INPP4B: variants seen among roughly 807,000 people sequenced by gnomAD.
The protein encoded by INPP4B is inositol polyphosphate 4-phosphatase type II.
A neutral mutation model predicts 122.5 loss-of-function variants in INPP4B; 55 were observed. The observed-to-expected ratio is 0.45, with a 90% confidence interval of 0.36 to 0.56. INPP4B has a LOEUF of 0.56. Among genes scored for constraint, INPP4B ranks in the 20% least tolerant of loss-of-function variants. The pLI is 0.00. For missense variants in INPP4B, 1,000 were observed against 1,097.7 expected (o/e 0.91, Z 1.26); for synonymous variants, 403 against 388.7 (o/e 1.04, Z -0.43).
intron 2 of INPP4B, among the ~76,000 whole-genome samples, chr4:142,488,996 G>C (rs1008159572): frequency 1.3e-5 from 2 of 151,934 alleles, no homozygotes; most frequent in Non-Finnish European, 2.9e-5. Context: ...ATTTAAAAAT[G>C]TTCATTTGTT....
At chr4:142,522,360 G>A (rs868610766) in intron 2 of INPP4B, among the ~76,000 whole-genome samples, 2 of 119,280 alleles carry the variant, frequency 1.7e-5, no homozygotes, top group Non-Finnish European at 1.6e-5. Flanking sequence ...CCCGAGACAT[G>A]AGATTTCCCT....
At chr4:142,248,336 C>CTCTT (rs756252445) in intron 11 of INPP4B, among the ~76,000 whole-genome samples, 1 of 106,376 alleles carries the variant, frequency 9.4e-6, no homozygotes, top group African/African-American at 3.8e-5. Flanking sequence ...CTCTCTCTCT[C>CTCTT]TTTTTTTTTT....
intron 7 of INPP4B, among the ~76,000 whole-genome samples, chr4:142,348,232 T>C (rs578148768): frequency 6.6e-6 from 1 of 152,132 alleles, no homozygotes; most frequent in South Asian, 2.1e-4. Flanking sequence ...AACAAGGTCA[T>C]TGAAGAGCCT....
intron 2 of INPP4B, chr4:142,468,100 C>T (rs567506752): frequency 6.6e-6 from 1 of 152,214 alleles, no homozygotes; most frequent in Non-Finnish European, 1.5e-5. Flanking sequence ...TTATAAATTA[C>T]CCAGCTCCGA....
At chr4:142,458,660 G>A (rs986740717) in intron 3 of INPP4B, among the ~76,000 whole-genome samples, 1 of 152,028 alleles carries the variant, frequency 6.6e-6, no homozygotes, top group Non-Finnish European at 1.5e-5. Context: ...GGATAAAACT[G>A]GCACAGAAAT....
At position 142,028,907 on chromosome 4, in the gene INPP4B, A is replaced by G. The variant is rs1472605705; in HGVS notation, c.2650T>C (p.Cys884Arg). The G allele has an allele frequency of 6.2e-7, 1 of 1,610,280 alleles. No individual in the cohort carries two copies. The change falls in exon 26 of 26, where the codon TGC (cysteine) becomes CGC (arginine). Residue 884 changes from cysteine (C) to arginine (R), a missense_variant. By Grantham distance (180) the Cys-to-Arg change is radical (BLOSUM62 -3). Transcript: ENST00000262992. ...TTCTTCAGTACATTCTCTATGCGGC[A>G]TCCTTCTCTGGTGAAAGGGGAAAAA... ...RALDCMRREGCRIENVLKNIK... is the reference protein window; with the variant it reads ...RALDCMRREGRRIENVLKNIK...
chr4:142,531,433 A>C (rs1373729930), intron 2 of INPP4B, among the ~76,000 whole-genome samples: 3 of 152,156 alleles, frequency 2.0e-5, no homozygotes, highest in Non-Finnish European at 4.4e-5. Flanking sequence ...AGTCAGTAGA[A>C]TAATGAATCA....
chr4:142,361,186 T>C (rs1289195129), intron 7 of INPP4B, among the ~76,000 whole-genome samples: 1 of 152,004 alleles, frequency 6.6e-6, no homozygotes, highest in African/African-American at 2.4e-5. Flanking sequence ...ATGGCTACTG[T>C]GATCATTTAG....
At chr4:142,091,370 G>C (rs997139105) in intron 23 of INPP4B, among the ~76,000 whole-genome samples, 5 of 152,056 alleles carry the variant, frequency 3.3e-5, no homozygotes, top group African/African-American at 1.2e-4. Flanking sequence ...GCAAAATAAG[G>C]GCAAGAATCC....
At position 142,174,721 on chromosome 4, in the gene INPP4B, C is replaced by T. The variant is rs556007455; in HGVS notation, c.1182-912G>A. The stretch of plus-strand genomic sequence containing the variant: ...TCCACTGCATCATCTAACTCTTTGT[C>T]GGCAATGATCCTCCCGCCTCAGCCT... On this transcript the variant is annotated intron_variant, in intron 15 of 25. Coordinates refer to ENST00000262992, the MANE Select transcript of INPP4B (RefSeq NM_001101669.3). Among the ~76,000 whole-genome samples, 8 of 151,932 alleles carry T rather than the reference C, an allele frequency of 5.3e-5. No homozygotes were observed. In the East Asian group the frequency reaches 5.9e-4, roughly 11 times the overall value.
intron 1 of INPP4B, chr4:142,768,106 AG>A (rs1402944373): frequency 6.6e-6 from 1 of 152,190 alleles, no homozygotes; most frequent in East Asian, 1.9e-4. Flanking sequence ...GCATTGTTGT[AG>A]GGACTTAATA....
chr4:142,336,022 G>A (rs939571493), intron 7 of INPP4B, among the ~76,000 whole-genome samples: 1 of 152,180 alleles, frequency 6.6e-6, no homozygotes, highest in African/African-American at 2.4e-5. Context: ...GGACCAATCA[G>A]CATGCATTCC....
chr4:142,267,810 C>A (rs1743548513), intron 10 of INPP4B, among the ~76,000 whole-genome samples: 2 of 151,942 alleles, frequency 1.3e-5, no homozygotes, highest in African/African-American at 2.4e-5. Flanking sequence ...AAACCATACA[C>A]CTGATAAGGA....
intron 18 of INPP4B, among the ~76,000 whole-genome samples, chr4:142,128,532 G>A (rs1399021466): frequency 6.6e-6 from 1 of 152,084 alleles, no homozygotes; most frequent in Non-Finnish European, 1.5e-5. Context: ...CCATGACAGA[G>A]GGAAACACTA....
At chr4:142,582,081 A>G (rs186513591) in intron 2 of INPP4B, among the ~76,000 whole-genome samples, 119 of 152,142 alleles carry the variant, frequency 7.8e-4, no homozygotes, top group Admixed American at 2.6e-3. Flanking sequence ...TCTCTTCCCA[A>G]ACACATTACA....
At chr4:142,254,671 A>G (rs1338913253) in intron 11 of INPP4B, among the ~76,000 whole-genome samples, 2 of 152,148 alleles carry the variant, frequency 1.3e-5, no homozygotes, top group Non-Finnish European at 2.9e-5. Flanking sequence ...ATAAAAAGAA[A>G]TGAACAAAGC....
rs146431894 is a variant in INPP4B at position 142,583,282 on chromosome 4, T to G, written c.-190-120556A>C. Among the ~76,000 whole-genome samples, 3 of 152,254 alleles carry G rather than the reference T, an allele frequency of 2.0e-5. No individual in the cohort carries two copies. In the East Asian group the frequency reaches 5.8e-4, roughly 29 times the overall value. On this transcript the variant is annotated intron_variant, in intron 2 of 25. Coordinates refer to ENST00000262992, the MANE Select transcript of INPP4B (RefSeq NM_001101669.3). The stretch of plus-strand genomic sequence containing the variant: ...AGAAAATAGTCCCTGTCACAGATGC[T>G]GTCAACTATGTTTTGAGAGTCTAGA...
chr4:142,210,942 T>C (rs1844616324), intron 12 of INPP4B, among the ~76,000 whole-genome samples: 1 of 152,190 alleles, frequency 6.6e-6, no homozygotes, highest in Non-Finnish European at 1.5e-5. Flanking sequence ...TTTAGTATTC[T>C]GTGAGGAGTA....
intron 7 of INPP4B, among the ~76,000 whole-genome samples, chr4:142,358,959 G>A (rs977829880): frequency 1.3e-5 from 2 of 151,948 alleles, no homozygotes; most frequent in Non-Finnish European, 2.9e-5. Context: ...TCATCTTGCT[G>A]TTTCGGATAC....
Sources: allele counts gnomAD v4.1 joint callset (sites outside exome capture counted in the v4.1 genomes callset), GRCh38; gene constraint gnomAD v4.1.1; transcripts MANE v1.5; gene names NCBI Gene and HGNC (gene_info 2026-07-23, HGNC 2026-07-21).